The following HMGXB3 variants were observed in gnomAD, a reference collection of about 807,000 sequenced individuals.
HMGXB3 encodes the protein HMG domain-containing protein 3.
A neutral mutation model predicts 121.5 loss-of-function variants in HMGXB3; 45 were observed. The ratio of observed to expected loss-of-function variants is 0.37; its 90% CI spans 0.29 to 0.47. HMGXB3 has a LOEUF of 0.47. Among genes scored for constraint, HMGXB3 ranks in the 20% least tolerant of loss-of-function variants. The pLI is 0.99. For synonymous variants in HMGXB3, 590 were observed against 624.1 expected, an observed-to-expected ratio of 0.95 and a Z score of 0.81; for missense variants, 1,376 against 1,602.2, an observed-to-expected ratio of 0.86 and a Z score of 2.41.
intron 8 of HMGXB3, 41 bp downstream of exon 8, chr5:150,026,922 C>T: frequency 6.6e-7 from 1 of 1,512,474 alleles, no homozygotes; most frequent in Non-Finnish European, 8.9e-7. Context: ...GGCTGTCTGA[C>T]AGGAAAGGGA....
At chr5:150,029,050 T>G (rs962194656) in intron 9 of HMGXB3, among the ~76,000 whole-genome samples, 4 of 152,170 alleles carry the variant, frequency 2.6e-5, no homozygotes, top group African/African-American at 9.7e-5. Flanking sequence ...TATAGAAAAT[T>G]CAGGTAAAGG....
At chr5:150,028,541 G>GTGTGTGTGTGTGTA (rs1203886454) in intron 9 of HMGXB3, among the ~76,000 whole-genome samples, 1 of 42,090 alleles carries the variant, frequency 2.4e-5, no homozygotes, top group African/African-American at 7.7e-5. Context: ...GTGTGTGTGT[G>GTGTGTGTGTGTGTA]TATATATATA....
In HMGXB3 at chr5:150,052,091, G is replaced by A; in HGVS notation, c.3778G>A (p.Val1260Met). The change falls in exon 20 of 20, where the codon GTG (valine) becomes ATG (methionine). Residue 1260 changes from valine to methionine, a missense_variant. Val to Met is a conservative substitution (Grantham distance 21). Transcript: ENST00000502717. ...DIVQSCQPGE[V>M]VIRDTLYRLG... ...TGTACAGAGCTGCCAGCCTGGTGAG[G>A]TGGTCATTCGTGACACCCTCTACCG... 1 of 1,551,850 alleles carries A rather than the reference G, an allele frequency of 6.4e-7. No homozygotes were observed. The highest frequency in any genetic ancestry group is 8.7e-7 in the Non-Finnish European group (1 of 1,147,048).
intron 9 of HMGXB3, among the ~76,000 whole-genome samples, chr5:150,028,260 G>A (rs902557900): frequency 2.0e-5 from 3 of 152,090 alleles, no homozygotes; most frequent in African/African-American, 7.2e-5. Context: ...AAAGGAGGCA[G>A]TCAGATATGC....
At chr5:150,022,063 T>TAG in intron 6 of HMGXB3, 1 of 258,144 alleles carries the variant, frequency 3.9e-6, no homozygotes, top group Non-Finnish European at 7.5e-6. Flanking sequence ...AAACATTATA[T>TAG]TTTTTTGTGT....
intron 15 of HMGXB3, among the ~76,000 whole-genome samples, chr5:150,043,855 G>T (rs985455039): frequency 6.6e-6 from 1 of 152,190 alleles, no homozygotes; most frequent in Non-Finnish European, 1.5e-5. Flanking sequence ...TTTCTCAGCC[G>T]CTGACTGTGG....
At chr5:150,034,959 A>C (rs1336054620) in intron 11 of HMGXB3, among the ~76,000 whole-genome samples, 2 of 152,200 alleles carry the variant, frequency 1.3e-5, no homozygotes, top group African/African-American at 4.8e-5. Flanking sequence ...CTGATTAATT[A>C]ATTCTCTCAG....
chr5:150,050,339 G>C lies in HMGXB3; in HGVS notation c.3289G>C (p.Val1097Leu). 6.4e-7 allele frequency: 1 copy of C among 1,551,900 alleles called. No individual in the cohort carries two copies. The highest frequency in any genetic ancestry group is 8.7e-7 in the Non-Finnish European group (1 of 1,147,026). ...LLASSRHWPP[V>L]YVVDMATSVA... The stretch of plus-strand genomic sequence containing the variant: ...TGCCTCTTCCCGCCACTGGCCGCCT[G>C]TCTATGTGGTAGATATGGCCACGTC... The change falls in exon 19 of 20, where the codon GTC (valine) becomes CTC (leucine). Residue 1097 changes from valine (V) to leucine (L), a missense_variant. Coordinates refer to ENST00000502717, the MANE Select transcript of HMGXB3 (RefSeq NM_014983.3).
At chr5:150,048,795 C>T in intron 18 of HMGXB3, 110 bp downstream of exon 18, 3 of 793,406 alleles carry the variant, frequency 3.8e-6, no homozygotes, top group South Asian at 1.5e-5. Flanking sequence ...CACTGGGCAA[C>T]CTCCGGCATA....
At chr5:150,008,610 C>T (rs1755762683) in intron 3 of HMGXB3, among the ~76,000 whole-genome samples, 1 of 152,228 alleles carries the variant, frequency 6.6e-6, no homozygotes, top group Admixed American at 6.5e-5. Flanking sequence ...CCTTGGGAGC[C>T]TGTCAGAGCC....
At chr5:150,028,221 A>G (rs1403362307) in intron 9 of HMGXB3, among the ~76,000 whole-genome samples, 2 of 152,056 alleles carry the variant, frequency 1.3e-5, no homozygotes, top group Non-Finnish European at 2.9e-5. Flanking sequence ...AAGTGGTTGC[A>G]TCCTTCTGAG....
At chr5:150,049,483 C>T (rs929701587) in intron 18 of HMGXB3, among the ~76,000 whole-genome samples, 1 of 152,076 alleles carries the variant, frequency 6.6e-6, no homozygotes, top group African/African-American at 2.4e-5. Context: ...CATGAGTCAG[C>T]AGGGGGATCT....
At chr5:150,051,551 G>C (rs775155996) in intron 19 of HMGXB3, among the ~76,000 whole-genome samples, 174 bp from the exon 20 acceptor site, 2 of 152,208 alleles carry the variant, frequency 1.3e-5, no homozygotes, top group Non-Finnish European at 2.9e-5. Context: ...TACTGTCCCT[G>C]TTCTCACATG....
chr5:150,034,845 A>G (rs1756465334), intron 11 of HMGXB3, among the ~76,000 whole-genome samples: 1 of 152,204 alleles, frequency 6.6e-6, no homozygotes, highest in South Asian at 2.1e-4. Flanking sequence ...ACGGGACAGT[A>G]TTCCTGCCAA....
Position 150,052,236 on chromosome 5 carries a change from T to TA in HMGXB3, c.*46dup, listed in dbSNP as rs745821454. The stretch of plus-strand genomic sequence containing the variant: ...GACTACACCATCTCTCAAGCCATAG[T>TA]AAGGCCCTTGCCTGAGGCAGAGCTA... On this transcript the variant is annotated 3_prime_UTR_variant, in exon 20 of 20. Transcript: ENST00000502717. 6.9e-6 allele frequency: 10 copies of TA among 1,440,176 alleles called. No individual in the cohort carries two copies. Among genetic ancestry groups the TA allele is most frequent in the Admixed American group, 2.0e-5 (1 of 49,466 alleles). 89.2% of individuals were successfully genotyped at this position (1,440,176 alleles called of 1,614,324 possible). A position where few individuals can be genotyped will look rare whatever the true frequency, so the allele number is the denominator to read the frequency against.
chr5:150,038,472 G>T (rs1756548940), intron 13 of HMGXB3, among the ~76,000 whole-genome samples: 1 of 152,174 alleles, frequency 6.6e-6, no homozygotes, highest in Non-Finnish European at 1.5e-5. Context: ...AAATTTACAT[G>T]TAGTTAAGTG....
intron 9 of HMGXB3, among the ~76,000 whole-genome samples, chr5:150,027,438 G>A (rs906143925): frequency 1.3e-5 from 2 of 152,092 alleles, no homozygotes; most frequent in African/African-American, 4.8e-5. Context: ...TATCTTTTAT[G>A]TTCATGTGTG....
chr5:150,024,815 G>A (rs1170705411), intron 7 of HMGXB3, 135 bp downstream of exon 7: 4 of 722,022 alleles, frequency 5.5e-6, no homozygotes, highest in Admixed American at 6.3e-5. Context: ...CAGAAACCAA[G>A]GCCTAGAGAT....
rs1198317744 is a variant in HMGXB3 at position 150,018,607 on chromosome 5, C to A, written c.951C>A (p.Ser317Arg). The A allele has an allele frequency of 1.3e-6, 2 of 1,551,052 alleles. No individual in the cohort carries two copies. The highest frequency in any genetic ancestry group is 1.7e-6 in the Non-Finnish European group (2 of 1,146,688). ...YTRRGHGTCT[S>R]PGCSFTYVTR... Reference sequence around the variant, plus strand: ...GCCGGGGCCATGGGACATGCACCAGCCCAGGGTGCTCCTTTACATATGTCA... The same window carrying A: ...GCCGGGGCCATGGGACATGCACCAGACCAGGGTGCTCCTTTACATATGTCA... The change falls in exon 6 of 20, where the codon AGC becomes AGA. Residue 317 changes from serine to arginine, a missense_variant. This residue lies in a region of HMGXB3 where 1,116 missense variants were observed against 1,369.0 expected (regional missense o/e 0.82). Transcript: ENST00000502717.
Sources: gnomAD v4.1 joint callset for allele counts (sites outside exome capture counted in the v4.1 genomes callset) on GRCh38, gnomAD v4.1.1 for gene constraint, gnomAD v4.1.1 regional missense constraint, MANE v1.5 for transcripts, NCBI Gene and HGNC (gene_info 2026-07-23, HGNC 2026-07-21) for gene names.